GLIS3: variants seen among roughly 807,000 people sequenced by gnomAD.
GLIS3 encodes GLIS family zinc finger 3.
GLIS3 carries 53 observed loss-of-function variants against 78.6 expected under a neutral mutation model. That is an observed-to-expected ratio of 0.67 (90% CI 0.54 to 0.85). The LOEUF (loss-of-function observed/expected upper bound fraction) is 0.85, where lower values mean the gene tolerates loss of function less well. Among genes scored for constraint, GLIS3 ranks in the 40% least tolerant of loss-of-function variants. GLIS3 has a pLI of 0.00. For missense variants in GLIS3, 1,703 were observed against 1,231.1 expected (o/e 1.38, Z -5.74); for synonymous variants, 684 against 509.9 (o/e 1.34, Z -4.60).
At chr9:3,911,100 T>TTCCTTCCTTCCTTC (rs1563840841) in intron 6 of GLIS3, among the ~76,000 whole-genome samples, 1 of 151,718 alleles carries the variant, frequency 6.6e-6, no homozygotes, top group Non-Finnish European at 1.5e-5. Flanking sequence ...TTCCTTCCTT[T>TTCCTTCCTTCCTTC]CTTCCTTCCT....
rs76770891 is a variant in GLIS3, at chr9:3,958,973, T to C, written c.1711-21784A>G. On this transcript the variant is annotated intron_variant, in intron 4 of 10. Transcript: ENST00000381971. ...GTCTGGATTAATCTTCAGTAAAGAC[T>C]ATAGGAAAGCCTTGGGCTCTATGCT... Among the ~76,000 whole-genome samples, 7 of 152,354 alleles carry C rather than the reference T, an allele frequency of 4.6e-5. No individual in the cohort carries two copies. The East Asian group carries it at 1.2e-3, about 25-fold the overall frequency.
chr9:4,059,095 G>C (rs1364513579), intron 4 of GLIS3, among the ~76,000 whole-genome samples: 2 of 152,152 alleles, frequency 1.3e-5, no homozygotes, highest in African/African-American at 4.8e-5. Context: ...CTAGGTCTGA[G>C]TGTTACTGCA....
chr9:4,380,376 G>T, the GLIS3 span, among the ~76,000 whole-genome samples: 3 of 152,232 alleles, frequency 2.0e-5, no homozygotes, highest in Admixed American at 1.3e-4. Context: ...TCAGAAATAA[G>T]GGGGCAAACT....
intron 2 of GLIS3, among the ~76,000 whole-genome samples, chr9:4,192,758 A>G (rs1362404145): frequency 6.6e-6 from 1 of 152,010 alleles, no homozygotes; most frequent in Non-Finnish European, 1.5e-5. Context: ...GTGTCTCACT[A>G]GGGAAACCTC....
intron 4 of GLIS3, among the ~76,000 whole-genome samples, chr9:4,023,854 C>T (rs1008111843): frequency 2.0e-5 from 3 of 152,146 alleles, no homozygotes; most frequent in Admixed American, 6.6e-5. Flanking sequence ...AGTACAGAAA[C>T]TGAGTGTTTA....
chr9:3,831,258 A>G (rs1818027480), intron 9 of GLIS3, among the ~76,000 whole-genome samples: 1 of 152,202 alleles, frequency 6.6e-6, no homozygotes, highest in African/African-American at 2.4e-5. Flanking sequence ...ATGGAAAGCT[A>G]TTGTCTTTTT....
At chr9:3,915,933 G>A (rs527692270) in intron 6 of GLIS3, among the ~76,000 whole-genome samples, 81 of 152,280 alleles carry the variant, frequency 5.3e-4, no homozygotes, top group Admixed American at 8.5e-4. Context: ...AAGAACTAGG[G>A]AAGACAAGTC....
intron 2 of GLIS3, among the ~76,000 whole-genome samples, chr9:4,255,257 C>G (rs1003765325): frequency 6.6e-6 from 1 of 152,180 alleles, no homozygotes; most frequent in Non-Finnish European, 1.5e-5. Flanking sequence ...TCATTCAGTG[C>G]TGGTGGGTAT....
chr9:4,400,886 G>C, the GLIS3 span, among the ~76,000 whole-genome samples: 1 of 152,180 alleles, frequency 6.6e-6, no homozygotes, highest in African/African-American at 2.4e-5. Context: ...TAACTAAAGA[G>C]CCCTTGGTCC....
chr9:4,387,432 G>T, the GLIS3 span, among the ~76,000 whole-genome samples: 1 of 152,146 alleles, frequency 6.6e-6, no homozygotes, highest in Non-Finnish European at 1.5e-5. Context: ...ATAGGTTACG[G>T]TGTCCTCACG....
intron 4 of GLIS3, among the ~76,000 whole-genome samples, chr9:4,008,560 A>G (rs1156248310): frequency 6.6e-6 from 1 of 152,198 alleles, no homozygotes; most frequent in South Asian, 2.1e-4. Context: ...TTAGCTTGAC[A>G]TCTTTTAACA....
upstream of GLIS3, among the ~76,000 whole-genome samples, chr9:4,303,554 T>TA (rs1280925785): frequency 1.3e-5 from 2 of 152,204 alleles, no homozygotes; most frequent in Non-Finnish European, 2.9e-5. Flanking sequence ...TGTAATTTTT[T>TA]AAAAAATTCT....
At chr9:4,245,180 G>A (rs1187601853) in intron 2 of GLIS3, among the ~76,000 whole-genome samples, 2 of 152,204 alleles carry the variant, frequency 1.3e-5, no homozygotes, top group Non-Finnish European at 2.9e-5. Context: ...GCAACAATCA[G>A]TCCAGATCAT....
chr9:4,226,420 G>C (rs553555192), intron 2 of GLIS3, among the ~76,000 whole-genome samples: 1 of 152,236 alleles, frequency 6.6e-6, no homozygotes, highest in South Asian at 2.1e-4. Flanking sequence ...ACTACCAACA[G>C]AGACAACATC....
chr9:4,384,245 A>C, the GLIS3 span, among the ~76,000 whole-genome samples: 3 of 152,172 alleles, frequency 2.0e-5, no homozygotes, highest in Non-Finnish European at 2.9e-5. Context: ...TCCATCATGG[A>C]GGAATCTTTT....
chr9:4,433,232 G>A, the GLIS3 span, among the ~76,000 whole-genome samples: 1 of 152,152 alleles, frequency 6.6e-6, no homozygotes, highest in African/African-American at 2.4e-5. Flanking sequence ...AGGAGTTTGA[G>A]ACCAGCCTGG....
At chr9:4,079,098 T>G (rs939649968) in intron 4 of GLIS3, among the ~76,000 whole-genome samples, 3 of 152,192 alleles carry the variant, frequency 2.0e-5, no homozygotes, top group African/African-American at 7.2e-5. Flanking sequence ...GCACTCACAT[T>G]CTACTGTGGT....
At chr9:4,439,758 T>G in the GLIS3 span, among the ~76,000 whole-genome samples, 33 of 152,282 alleles carry the variant, frequency 2.2e-4, no homozygotes, top group African/African-American at 7.2e-4. Context: ...ATTTTTCATA[T>G]TTGGGAACCT....
At chr9:4,223,237 A>G (rs1024528948) in intron 2 of GLIS3, among the ~76,000 whole-genome samples, 2 of 152,328 alleles carry the variant, frequency 1.3e-5, no homozygotes, top group African/African-American at 2.4e-5. Flanking sequence ...ACATTGCCAC[A>G]TACCTTGAAG....
Sources: gnomAD v4.1 joint callset for allele counts (sites outside exome capture counted in the v4.1 genomes callset) on GRCh38, gnomAD v4.1.1 for gene constraint, MANE v1.5 for transcripts, NCBI Gene and HGNC (gene_info 2026-07-23, HGNC 2026-07-21) for gene names.